The following LARP4B variants were observed in gnomAD, a reference collection of about 807,000 sequenced individuals.
LARP4B encodes La ribonucleoprotein 4B.
Under a neutral mutation model 89.8 loss-of-function variants are expected in LARP4B, and 12 were observed. The observed-to-expected ratio is 0.13, with a 90% confidence interval of 0.09 to 0.22. The LOEUF (loss-of-function observed/expected upper bound fraction) is 0.22. Among genes scored for constraint, LARP4B ranks in the 10% least tolerant of loss-of-function variants. The probability of loss-of-function intolerance (pLI) is 1.00; values close to 1 mark genes in which losing one functional copy is unlikely to be tolerated. For missense variants in LARP4B, 757 were observed against 947.7 expected (o/e 0.80, Z 2.64); for synonymous variants, 367 against 363.3 (o/e 1.01, Z -0.12).
chr10:857,042 C>A (rs1834340839), intron 5 of LARP4B, among the ~76,000 whole-genome samples: 1 of 152,086 alleles, frequency 6.6e-6, no homozygotes, highest in Non-Finnish European at 1.5e-5. Flanking sequence ...CCTGCCCACA[C>A]CTCACCCCAC....
At chr10:976,718 A>G in the LARP4B span, among the ~76,000 whole-genome samples, 3 of 145,290 alleles carry the variant, frequency 2.1e-5, no homozygotes, top group Non-Finnish European at 4.4e-5. Context: ...CCTGTCATGT[A>G]ATGTGTGGCC....
chr10:933,274 GCTTA>G (rs1047270073), upstream of LARP4B, among the ~76,000 whole-genome samples: 1 of 152,090 alleles, frequency 6.6e-6, no homozygotes, highest in Non-Finnish European at 1.5e-5. Context: ...GTGTACCTGT[GCTTA>G]CAACTGCTTT....
chr10:876,888 C>T (rs930778755), intron 3 of LARP4B, among the ~76,000 whole-genome samples: 1 of 152,110 alleles, frequency 6.6e-6, no homozygotes, highest in African/African-American at 2.4e-5. Context: ...GTGGAGGCTG[C>T]CCCACAGCTC....
chr10:813,857 A>T (rs924922735), intron 17 of LARP4B, among the ~76,000 whole-genome samples: 5 of 148,006 alleles, frequency 3.4e-5, no homozygotes, highest in Non-Finnish European at 7.4e-5. Context: ...GCTGGAGTGC[A>T]GCAGTGCAAT....
At position 888,834 on chromosome 10, in the gene LARP4B, C is replaced by T. The variant is rs1232443166; in HGVS notation, c.-39-3074G>A. ...GGGCGCAGTGGCTCGCGCCTATAAT[C>T]CCGCACTTTGGGAGGCTAAGGCAAG... is the stretch of plus-strand genomic sequence containing the variant. On this transcript the variant is annotated intron_variant, in intron 1 of 17. Transcript: ENST00000316157. 2.6e-5 allele frequency among the ~76,000 whole-genome samples: 4 copies of T among 152,196 alleles called. No homozygotes were observed. In the East Asian group the frequency reaches 7.7e-4, roughly 29 times the overall value.
intron 3 of LARP4B, among the ~76,000 whole-genome samples, chr10:868,824 A>G (rs558805128): frequency 6.6e-6 from 1 of 152,240 alleles, no homozygotes; most frequent in Non-Finnish European, 1.5e-5. Flanking sequence ...GTAAGTGTTG[A>G]CATTTGAGCC....
Position 825,161 on chromosome 10 carries a change from C to T in LARP4B, c.1388G>A (p.Arg463Gln). 6.2e-7 allele frequency: 1 copy of T among 1,614,172 alleles called. No homozygotes were observed. Among genetic ancestry groups the T allele is most frequent in the Non-Finnish European group, 8.5e-7 (1 of 1,180,038 alleles). ...QTRQAGQTRT[R>Q]IQNPSAYAKR... is the part of the protein sequence containing the mutation. ...GGCATATGCTGAAGGGTTTTGAATC[C>T]GTGTTCTAGTTTGACCTGCTTGCCT... is the stretch of plus-strand genomic sequence containing the variant. The change falls in exon 13 of 18, where the codon CGG becomes CAG. Residue 463 changes from arginine (R) to glutamine (Q), a missense_variant. This residue lies in a region of LARP4B where 387 missense variants were observed against 423.6 expected (regional missense o/e 0.91). Coordinates refer to ENST00000316157, the MANE Select transcript of LARP4B (RefSeq NM_015155.3).
At chr10:951,270 C>T in the LARP4B span, among the ~76,000 whole-genome samples, 54 of 152,080 alleles carry the variant, frequency 3.6e-4, no homozygotes, top group East Asian at 9.7e-4. Flanking sequence ...TTTTTTAGGC[C>T]GGGTGCCGTG....
chr10:889,504 G>A (rs1443055874), intron 1 of LARP4B, among the ~76,000 whole-genome samples: 1 of 152,188 alleles, frequency 6.6e-6, no homozygotes, highest in Non-Finnish European at 1.5e-5. Context: ...GAGAGAACGT[G>A]CCAACTCCAC....
rs140867696 is a variant in LARP4B, at chr10:825,829, C to T, written c.1167G>A (p.Thr389=). 179 of 1,613,374 alleles carry T rather than the reference C, an allele frequency of 1.1e-4. No homozygotes were observed. The African/African-American group carries it at 1.6e-3, about 14-fold the overall frequency. The change falls in exon 12 of 18, where the codon ACG becomes ACA. Residue 389 remains threonine, a synonymous_variant. Coordinates refer to ENST00000316157, the MANE Select transcript of LARP4B (RefSeq NM_015155.3). ...FPNTGFINGF[T]SPAFKPAASP... ...ACGCCGCAGGCTTGAACGCTGGAGA[C>T]GTAAACCCATTTATAAATCCAGTAT...
At chr10:920,709 T>C (rs550798567) in intron 1 of LARP4B, among the ~76,000 whole-genome samples, 3 of 152,148 alleles carry the variant, frequency 2.0e-5, no homozygotes, top group East Asian at 1.9e-4. Flanking sequence ...GAGGTGATGA[T>C]TGCAGTGAGC....
chr10:983,838 C>T, the LARP4B span, among the ~76,000 whole-genome samples: 1 of 152,132 alleles, frequency 6.6e-6, no homozygotes, highest in South Asian at 2.1e-4. Flanking sequence ...TTTGTTATCA[C>T]AGGATAATTT....
intron 3 of LARP4B, among the ~76,000 whole-genome samples, chr10:874,030 C>T (rs929898352): frequency 6.6e-6 from 1 of 152,080 alleles, no homozygotes; most frequent in Non-Finnish European, 1.5e-5. Context: ...TCAGGAGTTT[C>T]AAGACCAGCC....
chr10:817,260 C>T (rs1343878558), intron 15 of LARP4B, among the ~76,000 whole-genome samples: 1 of 152,194 alleles, frequency 6.6e-6, no homozygotes, highest in Non-Finnish European at 1.5e-5. Context: ...GGAGGCGGCA[C>T]CTCGTGGGGC....
chr10:874,513 T>G (rs963843287), intron 3 of LARP4B, among the ~76,000 whole-genome samples: 1 of 152,226 alleles, frequency 6.6e-6, no homozygotes, highest in African/African-American at 2.4e-5. Context: ...AAGTTGCTCA[T>G]GTACTATGTG....
chr10:857,941 A>C (rs879415639), intron 5 of LARP4B, among the ~76,000 whole-genome samples: 7 of 152,258 alleles, frequency 4.6e-5, no homozygotes, highest in Admixed American at 6.5e-5. Context: ...AAAAACATCA[A>C]GAGCAAAAAG....
intron 2 of LARP4B, among the ~76,000 whole-genome samples, chr10:885,056 T>C (rs997227001): frequency 2.1e-4 from 32 of 152,144 alleles, no homozygotes; most frequent in African/African-American, 6.8e-4. Context: ...ATATGGCACA[T>C]TGACATTTGA....
the LARP4B span, among the ~76,000 whole-genome samples, chr10:973,198 A>T: frequency 0.76 from 115,644 of 152,050 alleles, 44,294 homozygotes; most frequent in East Asian, 0.9. Flanking sequence ...AGACTGCTGG[A>T]GAGTGCAGCA....
chr10:950,055 C>T, the LARP4B span, among the ~76,000 whole-genome samples: 1 of 152,042 alleles, frequency 6.6e-6, no homozygotes, highest in Non-Finnish European at 1.5e-5. Context: ...GGATTACAGG[C>T]GTGAGCCACT....
Sources: gnomAD v4.1 joint callset for allele counts (sites outside exome capture counted in the v4.1 genomes callset) on GRCh38, gnomAD v4.1.1 for gene constraint, gnomAD v4.1.1 regional missense constraint, MANE v1.5 for transcripts, NCBI Gene and HGNC (gene_info 2026-07-23, HGNC 2026-07-21) for gene names.